CYBA: variants seen among roughly 807,000 people sequenced by gnomAD.
The protein encoded by CYBA is cytochrome b-245 light chain.
A neutral mutation model predicts 20.8 loss-of-function variants in CYBA; 21 were observed. That is an observed-to-expected ratio of 1.01 (90% CI 0.72 to 1.46). CYBA has a LOEUF of 1.46. CYBA is among the 40% of genes most tolerant of loss of function. The probability of loss-of-function intolerance (pLI) is 0.00; values close to 1 mark genes in which losing one functional copy is unlikely to be tolerated. For missense variants in CYBA, 344 were observed against 287.0 expected (o/e 1.20, Z -1.43); for synonymous variants, 164 against 127.5 (o/e 1.29, Z -1.93).
chr16:88,646,147 C>T lies in CYBA; in HGVS notation c.338G>A (p.Cys113Tyr), dbSNP rs1240754385. ...FLLATILGTA[C>Y]LAIASGIYLL... ...GTAGATGCCGCTCGCAATGGCCAGG[C>T]AGGCGGTCCCAAGGATGGTGGCCAG... The change falls in exon 5 of 6, where the codon TGC becomes TAC. Residue 113 changes from cysteine (C) to tyrosine (Y), a missense_variant. Cys to Tyr is a radical substitution (Grantham distance 194). Transcript: ENST00000261623. 1 of 1,559,282 alleles carries T rather than the reference C, an allele frequency of 6.4e-7. No homozygotes were observed. Among genetic ancestry groups the T allele is most frequent in the Admixed American group, 1.9e-5 (1 of 52,676 alleles).
At chr16:88,645,122 C>T (rs775716449) in intron 5 of CYBA, 100 of 696,966 alleles carry the variant, frequency 1.4e-4, no homozygotes, top group Non-Finnish European at 1.4e-4. Context: ...CAATTCCTCT[C>T]TGGGTTTAGC....
chr16:88,643,315 G>C lies in CYBA; in HGVS notation c.*38C>G, dbSNP rs1263968455. 2.1e-6 allele frequency: 3 copies of C among 1,409,388 alleles called. 1 individual carries two copies. Among genetic ancestry groups the C allele is most frequent in the Non-Finnish European group, 9.5e-7 (1 of 1,056,108 alleles). The allele number at this position is 1,409,388 out of a possible 1,614,324, so 87.3% of individuals were successfully genotyped here. A position where few individuals can be genotyped will look rare whatever the true frequency, so the allele number is the denominator to read the frequency against. ...CCCGGCTTCGCTGCATTTATTGCAG[G>C]TGGGTGCACCTGGCGGGAGGGCAGG... On this transcript the variant is annotated 3_prime_UTR_variant, in exon 6 of 6. Transcript: ENST00000261623. This position sits in a 1 kb window ranked among gnomAD's most constrained non-coding sequence, Gnocchi z 4.3.
chr16:88,646,146 G>A lies in CYBA; in HGVS notation c.339C>T (p.Cys113=), dbSNP rs1907269864. Reference sequence around the variant, plus strand: ...GGTAGATGCCGCTCGCAATGGCCAGGCAGGCGGTCCCAAGGATGGTGGCCA... The same window carrying A: ...GGTAGATGCCGCTCGCAATGGCCAGACAGGCGGTCCCAAGGATGGTGGCCA... ...FLLATILGTA[C]LAIASGIYLL... The change falls in exon 5 of 6, where the codon TGC becomes TGT. Residue 113 remains cysteine (C), a synonymous_variant. Coordinates refer to ENST00000261623, the MANE Select transcript of CYBA (RefSeq NM_000101.4). The A allele has an allele frequency of 2.6e-6, 4 of 1,559,228 alleles. No homozygotes were observed. The highest frequency in any genetic ancestry group is 3.5e-6 in the Non-Finnish European group (4 of 1,153,536).
rs776963412 is a variant in CYBA at position 88,647,170 on chromosome 16, G to A, written c.134C>T (p.Ala45Val). 39 of 1,611,890 alleles carry A rather than the reference G, an allele frequency of 2.4e-5. No individual in the cohort carries two copies. The highest frequency in any genetic ancestry group is 6.7e-5 in the Admixed American group (4 of 59,990). Residue 45 changes from alanine to valine, a missense_variant, in exon 3 of 6, where the codon GCG becomes GTG. Physicochemically the swap from Ala to Val is moderately conservative, Grantham distance 64. Transcript: ENST00000261623. ...QWYFGAYSIV[A>V]GVFVCLLEYP... ...CTCCAGCAGGCACACAAACACGCCC[G>A]CCACACTGAAGCCATGTGGTTAAGG... is the stretch of plus-strand genomic sequence containing the variant.
intron 4 of CYBA, 187 bp downstream of exon 4, chr16:88,646,567 CT>C (rs1390842807): frequency 5.6e-6 from 4 of 708,828 alleles, no homozygotes; most frequent in Non-Finnish European, 1.0e-5. Flanking sequence ...GGAGTGGATC[CT>C]TACAAATCCT....
chr16:88,650,320 C>T (rs756585708), intron 1 of CYBA: 12 of 453,456 alleles, frequency 2.6e-5, no homozygotes, highest in African/African-American at 2.2e-4. Context: ...AGTCCGCTGC[C>T]CTCACCAGAA....
chr16:88,646,029 G>T, intron 5 of CYBA, 87 bp downstream of exon 5: 1 of 1,144,562 alleles, frequency 8.7e-7, no homozygotes, highest in Non-Finnish European at 1.3e-6. Flanking sequence ...TACAGAGCCG[G>T]CTTCAAGGGC....
Position 88,643,296 on chromosome 16 carries a change from T to A in CYBA, c.*57A>T, listed in dbSNP as rs1907143753. Reference sequence around the variant, plus strand: ...AGGCAGAGGCTCACGCGCTCCCGGCTTCGCTGCATTTATTGCAGGTGGGTG... The same window carrying A: ...AGGCAGAGGCTCACGCGCTCCCGGCATCGCTGCATTTATTGCAGGTGGGTG... On this transcript the variant is annotated 3_prime_UTR_variant, in exon 6 of 6. Coordinates refer to ENST00000261623, the MANE Select transcript of CYBA (RefSeq NM_000101.4). The surrounding 1 kb of genome is among the most constrained non-coding windows in gnomAD (Gnocchi z 4.3). 7 of 1,310,414 alleles carry A rather than the reference T, an allele frequency of 5.3e-6. No homozygotes were observed. The South Asian group carries it at 7.4e-5, about 14-fold the overall frequency. 81.2% of individuals were successfully genotyped at this position (1,310,414 alleles called of 1,614,324 possible). A position where few individuals can be genotyped will look rare whatever the true frequency, so the allele number is the denominator to read the frequency against.
intron 3 of CYBA, 78 bp from the exon 4 acceptor site, chr16:88,646,916 C>G (rs1368008780): frequency 1.6e-6 from 2 of 1,277,418 alleles, no homozygotes; most frequent in Non-Finnish European, 2.3e-6. Context: ...GCTGACCACC[C>G]CAGGGCACCC....
chr16:88,646,850 A>C lies in CYBA; in HGVS notation c.204-12T>G. The C allele has an allele frequency of 6.2e-7, 1 of 1,608,252 alleles. No homozygotes were observed. Among genetic ancestry groups the C allele is most frequent in the Non-Finnish European group, 8.5e-7 (1 of 1,175,254 alleles). On this transcript the variant is annotated splice_polypyrimidine_tract_variant and intron_variant, in intron 3 of 5. Coordinates refer to ENST00000261623, the MANE Select transcript of CYBA (RefSeq NM_000101.4). ...TGTACTTCTGTCCCCTGGGGGAGGG[A>C]GGAAGGCGAGACGGCGCGGCTGGGC... is the stretch of plus-strand genomic sequence containing the variant.
chr16:88,644,941 A>C, intron 5 of CYBA: 1 of 581,414 alleles, frequency 1.7e-6, no homozygotes. Context: ...CAGTCAGAGA[A>C]GGGCGAGTCC....
chr16:88,646,386 G>A (rs1597372047), intron 4 of CYBA, 189 bp from the exon 5 acceptor site: 1 of 195,388 alleles, frequency 5.1e-6, no homozygotes, highest in Non-Finnish European at 9.9e-6. Flanking sequence ...TAGCGGCTCT[G>A]GTGCACTTGC....
chr16:88,645,678 G>A lies in CYBA; in HGVS notation c.369+438C>T, dbSNP rs186128951. Reference sequence around the variant, plus strand: ...CAGTCATAAACCAAACGCAGGTGTCGGCAGTTTAAGAAAATGTCTGCGTCC... The same window carrying A: ...CAGTCATAAACCAAACGCAGGTGTCAGCAGTTTAAGAAAATGTCTGCGTCC... On this transcript the variant is annotated intron_variant, in intron 5 of 5. Transcript: ENST00000261623. 1.1e-3 allele frequency: 646 copies of A among 569,210 alleles called. 5 individuals carry two copies. Among genetic ancestry groups the A allele is most frequent in the Non-Finnish European group, 2.1e-4 (66 of 317,814 alleles). 35.3% of individuals were successfully genotyped at this position (569,210 alleles called of 1,614,324 possible). A position where few individuals can be genotyped will look rare whatever the true frequency, so the allele number is the denominator to read the frequency against.
chr16:88,648,922 CCTA>C (rs1173093526), intron 1 of CYBA, among the ~76,000 whole-genome samples: 1 of 145,906 alleles, frequency 6.9e-6, no homozygotes, highest in Non-Finnish European at 1.5e-5. Flanking sequence ...CCTGGTCCTT[CCTA>C]CTATTTTATT....
Position 88,643,664 on chromosome 16 carries a change from A to T in CYBA, c.370-93T>A. The T allele has an allele frequency of 8.6e-7, 1 of 1,159,116 alleles. No homozygotes were observed. Among genetic ancestry groups the T allele is most frequent in the Non-Finnish European group, 1.2e-6 (1 of 848,084 alleles). 71.8% of individuals were successfully genotyped at this position (1,159,116 alleles called of 1,614,324 possible). A position where few individuals can be genotyped will look rare whatever the true frequency, so the allele number is the denominator to read the frequency against. ...GGCCCACCCCGCTAGGGGCCCTGGG[A>T]CAGGCTCAAGTCTGAATCCCACGCA... On this transcript the variant is annotated intron_variant, in intron 5 of 5. Transcript: ENST00000261623. This position sits in a 1 kb window ranked among gnomAD's most constrained non-coding sequence, Gnocchi z 4.3.
rs1207848783 is a variant in CYBA, at chr16:88,649,379, G to A, written c.59-1265C>T. Among the ~76,000 whole-genome samples, 8 of 152,152 alleles carry A rather than the reference G, an allele frequency of 5.3e-5. 1 individual carries two copies. In the South Asian group the frequency reaches 1.7e-3, roughly 31 times the overall value. On this transcript the variant is annotated intron_variant, in intron 1 of 5. Coordinates refer to ENST00000261623, the MANE Select transcript of CYBA (RefSeq NM_000101.4). ...TGTCCTTGAGTCTACTCAGCCAATT[G>A]TCCATGCATCTTTGGGGACCGTCCT...
rs369832494 is a variant in CYBA, at chr16:88,650,501, G to A, written c.58+455C>T. 1,305 of 469,380 alleles carry A rather than the reference G, an allele frequency of 2.8e-3. 22 individuals are homozygous for A. Among genetic ancestry groups the A allele is most frequent in the South Asian group, 0.02 (1,265 of 64,694 alleles). The allele number at this position is 469,380 out of a possible 1,614,324, so 29.1% of individuals were successfully genotyped here. ...CAGATGAGAAGGGCTGAGCCCCAGG[G>A]CATGAGCCCATTCCCCACCCCAAGC... On this transcript the variant is annotated intron_variant, in intron 1 of 5. Coordinates refer to ENST00000261623, the MANE Select transcript of CYBA (RefSeq NM_000101.4).
At chr16:88,650,536 G>A (rs1225961386) in intron 1 of CYBA, 12 of 482,190 alleles carry the variant, frequency 2.5e-5, no homozygotes, top group Non-Finnish European at 4.9e-5. Flanking sequence ...CCCAGGGAGA[G>A]CGACCTCCAG....
chr16:88,650,591 G>C, intron 1 of CYBA: 1 of 512,332 alleles, frequency 2.0e-6, no homozygotes, highest in Non-Finnish European at 3.8e-6. Flanking sequence ...CCGATGCCCA[G>C]GCCGGAGCCC....
Sources: gnomAD v4.1 joint callset for allele counts (sites outside exome capture counted in the v4.1 genomes callset) on GRCh38, gnomAD v4.1.1 for gene constraint, Gnocchi (gnomAD v3.1) non-coding constraint, MANE v1.5 for transcripts, NCBI Gene and HGNC (gene_info 2026-07-23, HGNC 2026-07-21) for gene names.